Variants in PCSK1 observed in about 807,000 individuals in gnomAD.
The protein encoded by PCSK1 is proprotein convertase subtilisin/kexin type 1.
In PCSK1, 56 loss-of-function variants were observed where a neutral mutation model predicts 90.6. The observed-to-expected ratio is 0.62, with a 90% CI of 0.50 to 0.77. PCSK1 has a LOEUF of 0.77. PCSK1 is among the 30% of genes least tolerant of loss of function. PCSK1 has a pLI of 0.00. For synonymous variants in PCSK1, 348 were observed against 342.4 expected (o/e 1.02, Z -0.18); for missense variants, 801 against 932.6 (o/e 0.86, Z 1.84).
At chr5:96,426,057 G>A in intron 2 of PCSK1, 127 bp from the exon 3 acceptor site, 6 of 693,198 alleles carry the variant, frequency 8.7e-6, no homozygotes, top group Non-Finnish European at 1.3e-5. Flanking sequence ...TTTGACTACA[G>A]ATTAAACTGG....
At position 96,423,379 on chromosome 5, in the gene PCSK1, T is replaced by C; in HGVS notation, c.477A>G (p.Lys159=). Residue 159 remains lysine, a synonymous_variant, in exon 4 of 14, where the codon AAA becomes AAG. Coordinates refer to ENST00000311106, the MANE Select transcript of PCSK1 (RefSeq NM_000439.5). ...CATCCAGTACGGTGATAACAACTCC[T>C]TTGCCCGTAATGCCTTTTTGCCAAA... ...IPVWQKGITG[K]GVVITVLDDG... 1.2e-6 allele frequency: 2 copies of C among 1,613,968 alleles called. No homozygotes were observed. Among genetic ancestry groups the C allele is most frequent in the Non-Finnish European group, 1.7e-6 (2 of 1,179,920 alleles).
In PCSK1 at chr5:96,392,985, G is replaced by A. The variant is rs1759999755; in HGVS notation, c.*16C>T. ...AAGAAGCATGAATATTTCCAACTTG[G>A]GACCACACACTTATTTTAATTTTCC... is the stretch of plus-strand genomic sequence containing the variant. On this transcript the variant is annotated 3_prime_UTR_variant, in exon 14 of 14. Coordinates refer to ENST00000311106, the MANE Select transcript of PCSK1 (RefSeq NM_000439.5). 5.6e-6 allele frequency: 9 copies of A among 1,613,552 alleles called. No homozygotes were observed. The African/African-American group carries it at 6.7e-5, about 12-fold the overall frequency.
In PCSK1 at chr5:96,400,180, AT is replaced by A. The variant is rs1358322952; in HGVS notation, c.1202del (p.Asn401IlefsTer33). 1 of 1,613,100 alleles carries A rather than the reference AT, an allele frequency of 6.2e-7. No homozygotes were observed. The highest frequency in any genetic ancestry group is 1.3e-5 in the African/African-American group (1 of 74,900). On this transcript the variant is annotated frameshift_variant, in exon 10 of 14. Transcript: ENST00000311106. LOFTEE classifies it high-confidence loss of function. ...IFALALEANP[N>X]LTWRDMQHLV... Reference sequence around the variant, plus strand: ...GGTGCTGCATATCTCGCCAGGTGAGATTTGGGCTGGAGGGGAAGTGACCCAA... The same window carrying A: ...GGTGCTGCATATCTCGCCAGGTGAGATTGGGCTGGAGGGGAAGTGACCCAA...
chr5:96,410,730 C>T (rs777707812), intron 8 of PCSK1, 44 bp downstream of exon 8: 26 of 1,466,352 alleles, frequency 1.8e-5, no homozygotes, highest in African/African-American at 2.8e-5. Flanking sequence ...ATGCATGCCA[C>T]GCTCTCCTAA....
chr5:96,410,204 G>A (rs112929379), intron 8 of PCSK1, among the ~76,000 whole-genome samples: 2 of 152,212 alleles, frequency 1.3e-5, no homozygotes, highest in Admixed American at 6.5e-5. Context: ...AAAGGCGCAG[G>A]CAAGCGTGGG....
chr5:96,408,381 G>T, intron 8 of PCSK1, 58 bp from the exon 9 acceptor site: 1 of 1,217,616 alleles, frequency 8.2e-7, no homozygotes, highest in Non-Finnish European at 1.2e-6. Context: ...GTGTGGGCCT[G>T]TCTTGGGGGT....
At chr5:96,418,822 A>G (rs1304991044) in intron 5 of PCSK1, among the ~76,000 whole-genome samples, 1 of 152,176 alleles carries the variant, frequency 6.6e-6, no homozygotes, top group Non-Finnish European at 1.5e-5. Context: ...AGAGTTGCTC[A>G]TTATGTCATT....
In PCSK1 at chr5:96,396,548, C is replaced by A. The variant is rs185489592; in HGVS notation, c.1722+788G>T. Among the ~76,000 whole-genome samples the A allele has an allele frequency of 3.3e-3, 425 of 128,350 alleles. 4 individuals carry two copies. The highest frequency in any genetic ancestry group is 1.1e-3 in the Non-Finnish European group (69 of 63,334). 84.2% of individuals were successfully genotyped at this position (128,350 alleles called of 152,430 possible). On this transcript the variant is annotated intron_variant, in intron 12 of 13. Coordinates refer to ENST00000311106, the MANE Select transcript of PCSK1 (RefSeq NM_000439.5). The stretch of plus-strand genomic sequence containing the variant: ...TGCAACTCCAGCCTGGGTGACAGAG[C>A]AAGACTCCGTCTCAAAAAAAAAAAA...
chr5:96,412,438 A>G lies in PCSK1; in HGVS notation c.762T>C (p.Ile254=), dbSNP rs1338380108. Residue 254 remains isoleucine (I), a synonymous_variant, in exon 7 of 14, where the codon ATT becomes ATC. Transcript: ENST00000311106. Reference sequence around the variant, plus strand: ...TATCCACGTGTCCAGGATTGAATCCAATTGAACTGGCCTCAATAGCATCCG... The same window carrying G: ...TATCCACGTGTCCAGGATTGAATCCGATTGAACTGGCCTCAATAGCATCCG... ...IVTDAIEASS[I]GFNPGHVDIY... 1 of 1,613,930 alleles carries G rather than the reference A, an allele frequency of 6.2e-7. No homozygotes were observed. The highest frequency in any genetic ancestry group is 8.5e-7 in the Non-Finnish European group (1 of 1,179,938).
rs1443473396 is a variant in PCSK1 at position 96,408,211 on chromosome 5, T to C, written c.1196+12A>G. Reference sequence around the variant, plus strand: ...CCTTTGTAAAGGTGATTAGAAGCTTTCTGGGCCTTACTTTGCTTCCAGGGC... The same window carrying C: ...CCTTTGTAAAGGTGATTAGAAGCTTCCTGGGCCTTACTTTGCTTCCAGGGC... On this transcript the variant is annotated intron_variant, in intron 9 of 13. Coordinates refer to ENST00000311106, the MANE Select transcript of PCSK1 (RefSeq NM_000439.5). 6.3e-7 allele frequency: 1 copy of C among 1,599,072 alleles called. No homozygotes were observed. Among genetic ancestry groups the C allele is most frequent in the South Asian group, 1.1e-5 (1 of 90,742 alleles).
intron 9 of PCSK1, among the ~76,000 whole-genome samples, chr5:96,406,831 T>C (rs1310602715): frequency 1.3e-5 from 2 of 152,240 alleles, no homozygotes; most frequent in Non-Finnish European, 2.9e-5. Context: ...TAATCACTTC[T>C]TCTAATATGC....
intron 5 of PCSK1, among the ~76,000 whole-genome samples, chr5:96,419,321 A>G (rs1328041018): frequency 6.8e-6 from 1 of 147,770 alleles, no homozygotes; most frequent in African/African-American, 2.5e-5. Flanking sequence ...ATATATATAT[A>G]TATATAAAAC....
rs1759912731 is a variant in PCSK1, at chr5:96,390,812, A to G, written c.*2189T>C. On this transcript the variant is annotated 3_prime_UTR_variant, in exon 14 of 14. Coordinates refer to ENST00000311106, the MANE Select transcript of PCSK1 (RefSeq NM_000439.5). ...AGAAAGACTGACAAAACTGTTTTAT[A>G]TCTGAATATTATACTCCAGGTTGGA... The G allele has an allele frequency of 6.5e-6, 1 of 152,686 alleles. No individual in the cohort carries two copies. Among genetic ancestry groups the G allele is most frequent in the Admixed American group, 6.5e-5 (1 of 15,292 alleles). The allele number at this position is 152,686 out of a possible 1,614,324, so 9.5% of individuals were successfully genotyped here.
intron 12 of PCSK1, among the ~76,000 whole-genome samples, chr5:96,396,378 T>C (rs961194370): frequency 6.6e-6 from 1 of 152,054 alleles, no homozygotes; most frequent in Non-Finnish European, 1.5e-5. Context: ...CTGACCAACA[T>C]GGTGAAACCC....
At chr5:96,423,813 T>G (rs1761200560) in intron 3 of PCSK1, among the ~76,000 whole-genome samples, 1 of 152,212 alleles carries the variant, frequency 6.6e-6, no homozygotes, top group African/African-American at 2.4e-5. Context: ...TAGTCGATGT[T>G]TTCATCTCCC....
chr5:96,419,243 GATA>G (rs956449593), intron 5 of PCSK1, among the ~76,000 whole-genome samples: 3 of 150,298 alleles, frequency 2.0e-5, no homozygotes, highest in Non-Finnish European at 4.4e-5. Flanking sequence ...TATAGATATA[GATA>G]AATAATCTAC....
rs1223922365 is a variant in PCSK1 at position 96,404,399 on chromosome 5, C to T, written c.1196+3824G>A. Among the ~76,000 whole-genome samples the T allele has an allele frequency of 2.0e-5, 3 of 152,178 alleles. No homozygotes were observed. In the East Asian group the frequency reaches 5.8e-4, roughly 29 times the overall value. On this transcript the variant is annotated intron_variant, in intron 9 of 13. Coordinates refer to ENST00000311106, the MANE Select transcript of PCSK1 (RefSeq NM_000439.5). ...GAACCTGCATGTTAAATAAACTCCCCAGGTGATGACTATATATGCTGGTAC... is the reference window on the plus strand; with the variant it reads ...GAACCTGCATGTTAAATAAACTCCCTAGGTGATGACTATATATGCTGGTAC...
chr5:96,395,081 T>G (rs1760086821), intron 12 of PCSK1, 56 bp from the exon 13 acceptor site: 2 of 1,286,032 alleles, frequency 1.6e-6, no homozygotes, highest in Non-Finnish European at 2.3e-6. Context: ...TAAAACAAAC[T>G]CATTCAAAAT....
At chr5:96,396,271 G>C (rs1175686497) in intron 12 of PCSK1, among the ~76,000 whole-genome samples, 2 of 152,112 alleles carry the variant, frequency 1.3e-5, no homozygotes. Flanking sequence ...TTTTCAAAAA[G>C]TTATCTAGGC....
Sources: allele counts gnomAD v4.1 joint callset (sites outside exome capture counted in the v4.1 genomes callset), GRCh38; gene constraint gnomAD v4.1.1; transcripts MANE v1.5; gene names NCBI Gene and HGNC (gene_info 2026-07-23, HGNC 2026-07-21).